Variants in RAPH1 observed in about 807,000 individuals in gnomAD.
RAPH1 encodes Ras association (RalGDS/AF-6) and pleckstrin homology domains 1.
A neutral mutation model predicts 88.1 loss-of-function variants in RAPH1; 18 were observed. That is an observed-to-expected ratio of 0.20 (90% CI 0.14 to 0.30). The LOEUF is 0.30. Among genes scored for constraint, RAPH1 ranks in the 10% least tolerant of loss-of-function variants. RAPH1 has a pLI of 1.00. For missense variants in RAPH1, 1,448 were observed against 1,543.2 expected, an observed-to-expected ratio of 0.94 and a Z score of 1.03; for synonymous variants, 587 against 559.0, an observed-to-expected ratio of 1.05 and a Z score of -0.71.
At chr2:203,488,462 G>A (rs997277834) in intron 4 of RAPH1, among the ~76,000 whole-genome samples, 1 of 151,616 alleles carries the variant, frequency 6.6e-6, no homozygotes, top group African/African-American at 2.4e-5. Flanking sequence ...GGTGGCACAC[G>A]CCTGTAATCC....
At chr2:203,509,513 T>C (rs1689240559) in intron 1 of RAPH1, among the ~76,000 whole-genome samples, 1 of 152,222 alleles carries the variant, frequency 6.6e-6, no homozygotes, top group Non-Finnish European at 1.5e-5. Context: ...TTTAAAGATG[T>C]TTTGATTATT....
chr2:203,444,765 A>C, intron 13 of RAPH1, 103 bp downstream of exon 13: 1 of 1,058,328 alleles, frequency 9.4e-7, no homozygotes, highest in Non-Finnish European at 1.4e-6. Flanking sequence ...AGGAGACTGA[A>C]ATAAGGCCAA....
At chr2:203,506,824 ATATATATC>A (rs1262987538) in intron 1 of RAPH1, among the ~76,000 whole-genome samples, 2 of 58,708 alleles carry the variant, frequency 3.4e-5, no homozygotes, top group South Asian at 6.1e-4. Flanking sequence ...ATATATCTAT[ATATATATC>A]TATATCTATA....
chr2:203,462,026 A>G lies in RAPH1; in HGVS notation c.733-101T>C, dbSNP rs2098524595. 3 of 834,904 alleles carry G rather than the reference A, an allele frequency of 3.6e-6. No homozygotes were observed. In the Admixed American group the frequency reaches 7.9e-5, roughly 22 times the overall value. 51.7% of individuals were successfully genotyped at this position (834,904 alleles called of 1,614,324 possible). On this transcript the variant is annotated intron_variant, in intron 4 of 13. Coordinates refer to ENST00000319170, the MANE Select transcript of RAPH1 (RefSeq NM_213589.3). Reference sequence around the variant, plus strand: ...ATGCTCCCAGCAATAAATTTCATTAAGAATATAACTACACACAGAGCACAT... The same window carrying G: ...ATGCTCCCAGCAATAAATTTCATTAGGAATATAACTACACACAGAGCACAT...
intron 1 of RAPH1, among the ~76,000 whole-genome samples, chr2:203,497,893 C>G (rs1008350067): frequency 7.2e-5 from 11 of 151,976 alleles, no homozygotes; most frequent in African/African-American, 2.2e-4. Context: ...AGTGATCTAC[C>G]CAGGAAAAAC....
At chr2:203,482,513 G>A (rs1687774709) in intron 4 of RAPH1, among the ~76,000 whole-genome samples, 1 of 152,146 alleles carries the variant, frequency 6.6e-6, no homozygotes, top group Non-Finnish European at 1.5e-5. Context: ...TTAGCAAAAG[G>A]TTTTGCTGAA....
At chr2:203,491,170 G>A in intron 3 of RAPH1, 44 bp downstream of exon 3, 1 of 1,339,264 alleles carries the variant, frequency 7.5e-7, no homozygotes, top group Non-Finnish European at 1.1e-6. Context: ...TACATTGTGT[G>A]ACTTAGCATA....
chr2:203,512,529 C>T (rs1689394005), intron 1 of RAPH1, among the ~76,000 whole-genome samples: 1 of 151,718 alleles, frequency 6.6e-6, no homozygotes, highest in Non-Finnish European at 1.5e-5. Context: ...TCAAAAATTG[C>T]CTTGGGTGAC....
intron 1 of RAPH1, among the ~76,000 whole-genome samples, chr2:203,509,101 C>T (rs1468614932): frequency 3.7e-5 from 5 of 136,044 alleles, no homozygotes; most frequent in South Asian, 2.4e-4. Flanking sequence ...AAGAGAGAGT[C>T]GCTCTGTCAC....
chr2:203,529,522 C>T (rs919401414), intron 1 of RAPH1, among the ~76,000 whole-genome samples: 4 of 152,040 alleles, frequency 2.6e-5, no homozygotes, highest in Non-Finnish European at 4.4e-5. Context: ...CCACCACGCC[C>T]GACTAATTTT....
Position 203,438,139 on chromosome 2 carries a change from A to G in RAPH1, c.*1298T>C, listed in dbSNP as rs775526796. 1 of 518,846 alleles carries G rather than the reference A, an allele frequency of 1.9e-6. No homozygotes were observed. 32.1% of individuals were successfully genotyped at this position (518,846 alleles called of 1,614,324 possible). On this transcript the variant is annotated 3_prime_UTR_variant, in exon 14 of 14. Coordinates refer to ENST00000319170, the MANE Select transcript of RAPH1 (RefSeq NM_213589.3). ...ACTGTCCCACTCCATCAGAACACCT[A>G]GTAACCTGAACTAATCACAACCAGG...
At position 203,437,214 on chromosome 2, in the gene RAPH1, G is replaced by A. The variant is rs1365458449; in HGVS notation, c.*2223C>T. On this transcript the variant is annotated 3_prime_UTR_variant, in exon 14 of 14. Transcript: ENST00000319170. Reference sequence around the variant, plus strand: ...CTGTTGTTTTAGGGCTCAAATCATGGGTGAAAAAAGGTTAGCGGGTACATT... The same window carrying A: ...CTGTTGTTTTAGGGCTCAAATCATGAGTGAAAAAAGGTTAGCGGGTACATT... The A allele has an allele frequency of 6.6e-6, 1 of 151,988 alleles. No individual in the cohort carries two copies. Among genetic ancestry groups the A allele is most frequent in the Non-Finnish European group, 1.5e-5 (1 of 67,980 alleles). The allele number at this position is 151,988 out of a possible 1,614,324, so 9.4% of individuals were successfully genotyped here. A position where few individuals can be genotyped will look rare whatever the true frequency, so the allele number is the denominator to read the frequency against.
chr2:203,482,466 G>A (rs1012825761), intron 4 of RAPH1, among the ~76,000 whole-genome samples: 3 of 152,218 alleles, frequency 2.0e-5, no homozygotes, highest in Admixed American at 6.5e-5. Flanking sequence ...GATTACAGGC[G>A]TGAGTCACTG....
intron 4 of RAPH1, among the ~76,000 whole-genome samples, chr2:203,480,816 G>C (rs1687687449): frequency 6.6e-6 from 1 of 152,174 alleles, no homozygotes; most frequent in African/African-American, 2.4e-5. Flanking sequence ...TAGCATGATG[G>C]TTAAGAATGG....
chr2:203,475,552 C>A (rs1214874572), intron 4 of RAPH1, among the ~76,000 whole-genome samples: 1 of 152,148 alleles, frequency 6.6e-6, no homozygotes, highest in Non-Finnish European at 1.5e-5. Flanking sequence ...AATCTTATCT[C>A]ATTTGCAAGA....
intron 4 of RAPH1, among the ~76,000 whole-genome samples, chr2:203,487,822 G>A (rs908023192): frequency 6.6e-6 from 1 of 152,048 alleles, no homozygotes; most frequent in Non-Finnish European, 1.5e-5. Flanking sequence ...AAACCACCAT[G>A]ATTCATACTC....
rs141225996 is a variant in RAPH1 at position 203,505,676 on chromosome 2, A to C, written c.1-10323T>G. Among the ~76,000 whole-genome samples, 632 of 152,262 alleles carry C rather than the reference A, an allele frequency of 4.2e-3. 4 individuals carry two copies. Among genetic ancestry groups the C allele is most frequent in the African/African-American group, 0.014 (584 of 41,490 alleles). On this transcript the variant is annotated intron_variant, in intron 1 of 13. Transcript: ENST00000319170. The stretch of plus-strand genomic sequence containing the variant: ...TCTGAAACCACAGAGTAGATAAAAA[A>C]CTATAAAAACTGAAAAACAACAAAT...
intron 1 of RAPH1, among the ~76,000 whole-genome samples, chr2:203,508,221 CAAAAAAAAAA>C (rs768340713): frequency 6.8e-5 from 4 of 58,578 alleles, no homozygotes; most frequent in Non-Finnish European, 1.1e-4. Context: ...GACTCTGTCT[CAAAAAAAAAA>C]AAAAAAAAAA....
intron 1 of RAPH1, among the ~76,000 whole-genome samples, chr2:203,522,224 G>A (rs1689909458): frequency 6.6e-6 from 1 of 152,136 alleles, no homozygotes; most frequent in Non-Finnish European, 1.5e-5. Context: ...TGTCACATCA[G>A]AGTAGATGGT....
Sources: allele counts gnomAD v4.1 joint callset (sites outside exome capture counted in the v4.1 genomes callset), GRCh38; gene constraint gnomAD v4.1.1; transcripts MANE v1.5; gene names NCBI Gene and HGNC (gene_info 2026-07-23, HGNC 2026-07-21).